CDH12: variants seen among roughly 807,000 people sequenced by gnomAD.
The protein encoded by CDH12 is cadherin-12.
A neutral mutation model predicts 74.1 loss-of-function variants in CDH12; 41 were observed. That is an observed-to-expected ratio of 0.55 (90% CI 0.43 to 0.72). CDH12 has a LOEUF of 0.72. Ranked by LOEUF, CDH12 falls within the 30% of genes least tolerant of loss-of-function variation. CDH12 has a pLI of 0.00. For synonymous variants in CDH12, 399 were observed against 355.0 expected (o/e 1.12, Z -1.39); for missense variants, 945 against 977.2 (o/e 0.97, Z 0.44).
At chr5:22,673,120 T>C (rs1029615005) in intron 1 of CDH12, among the ~76,000 whole-genome samples, 8 of 152,304 alleles carry the variant, frequency 5.3e-5, no homozygotes, top group Non-Finnish European at 7.4e-5. Flanking sequence ...CTCCAGTCTT[T>C]CTGAAGTCAT....
chr5:21,842,005 TAA>T (rs34987918), intron 8 of CDH12, among the ~76,000 whole-genome samples, 154 bp downstream of exon 8: 66 of 142,066 alleles, frequency 4.6e-4, no homozygotes, highest in Middle Eastern at 3.7e-3. Context: ...ACTTAAAGTA[TAA>T]AAAAAAAAAA....
intron 5 of CDH12, among the ~76,000 whole-genome samples, chr5:22,013,778 T>C (rs1287805022): frequency 6.6e-6 from 1 of 152,124 alleles, no homozygotes; most frequent in Non-Finnish European, 1.5e-5. Context: ...GACATATGGG[T>C]TTTTTTCTTA....
At chr5:22,268,705 C>A (rs1275241759) in intron 3 of CDH12, among the ~76,000 whole-genome samples, 1 of 152,016 alleles carries the variant, frequency 6.6e-6, no homozygotes, top group Non-Finnish European at 1.5e-5. Flanking sequence ...GTATTATCTG[C>A]AGAAAATACA....
intron 4 of CDH12, among the ~76,000 whole-genome samples, chr5:22,200,379 T>G (rs1406441909): frequency 6.6e-6 from 1 of 152,152 alleles, no homozygotes; most frequent in Non-Finnish European, 1.5e-5. Context: ...ATAAGAGTGG[T>G]GCTTTTGAAG....
intron 3 of CDH12, among the ~76,000 whole-genome samples, chr5:22,341,330 T>G (rs1739839661): frequency 6.6e-6 from 1 of 151,934 alleles, no homozygotes; most frequent in African/African-American, 2.4e-5. Flanking sequence ...ACAAAAAGAA[T>G]AAAGAAAGAA....
intron 3 of CDH12, among the ~76,000 whole-genome samples, chr5:22,342,898 G>T (rs1277114961): frequency 1.3e-5 from 2 of 151,628 alleles, no homozygotes; most frequent in Non-Finnish European, 2.9e-5. Context: ...GCCCAGGCTG[G>T]ATTGCAGTGG....
At chr5:21,888,962 T>C (rs1223608989) in intron 6 of CDH12, among the ~76,000 whole-genome samples, 2 of 151,998 alleles carry the variant, frequency 1.3e-5, no homozygotes, top group Non-Finnish European at 2.9e-5. Context: ...ATTAGAAAAT[T>C]AGAAATAAGC....
chr5:21,842,429 T>A, intron 7 of CDH12, 101 bp from the exon 8 acceptor site: 3 of 749,850 alleles, frequency 4.0e-6, no homozygotes, highest in Non-Finnish European at 6.3e-6. Flanking sequence ...CTAGAATCAC[T>A]AACAGAGACA....
At chr5:22,312,699 C>T (rs573047908) in intron 3 of CDH12, among the ~76,000 whole-genome samples, 2 of 152,162 alleles carry the variant, frequency 1.3e-5, no homozygotes, top group Non-Finnish European at 2.9e-5. Context: ...CTACCAAACA[C>T]TAATCCATCT....
chr5:22,053,768 C>T (rs1374832335), intron 5 of CDH12, among the ~76,000 whole-genome samples: 1 of 152,054 alleles, frequency 6.6e-6, no homozygotes, highest in East Asian at 1.9e-4. Context: ...TTAGAGCTCG[C>T]CTCTTACATT....
intron 3 of CDH12, among the ~76,000 whole-genome samples, chr5:22,398,570 A>G (rs1742567670): frequency 6.6e-6 from 1 of 152,102 alleles, no homozygotes; most frequent in African/African-American, 2.4e-5. Context: ...CAAGCAATAG[A>G]CATTGTCAAA....
At chr5:22,090,526 C>T (rs1008778915) in intron 4 of CDH12, among the ~76,000 whole-genome samples, 2 of 150,330 alleles carry the variant, frequency 1.3e-5, no homozygotes, top group Non-Finnish European at 3.0e-5. Flanking sequence ...CATACCCTGA[C>T]TTATTCTATG....
chr5:22,080,501 C>CT (rs1561089672), intron 4 of CDH12, among the ~76,000 whole-genome samples: 3 of 151,936 alleles, frequency 2.0e-5, no homozygotes, highest in Non-Finnish European at 4.4e-5. Context: ...CGTAAGTTGT[C>CT]TTTTTTTGCA....
chr5:22,818,683 G>C (rs114917579), intron 1 of CDH12, among the ~76,000 whole-genome samples: 2,252 of 152,198 alleles, frequency 0.015, 64 homozygotes, highest in African/African-American at 0.052. Context: ...TAGTTGGAGA[G>C]AGATTAAGCA....
chr5:22,716,296 C>T (rs1416731752), intron 1 of CDH12, among the ~76,000 whole-genome samples: 1 of 152,070 alleles, frequency 6.6e-6, no homozygotes, highest in Non-Finnish European at 1.5e-5. Context: ...AGAATACAAT[C>T]GTATACTGCA....
At chr5:22,345,418 CTAAA>C (rs1167861587) in intron 3 of CDH12, among the ~76,000 whole-genome samples, 1 of 152,108 alleles carries the variant, frequency 6.6e-6, no homozygotes, top group East Asian at 1.9e-4. Context: ...TTGTTCTAAA[CTAAA>C]TAATTTTTCT....
chr5:22,225,006 T>C (rs1354920849), intron 3 of CDH12, among the ~76,000 whole-genome samples: 2 of 152,040 alleles, frequency 1.3e-5, no homozygotes. Context: ...TGACTCACAG[T>C]AAAATTGATT....
chr5:22,377,671 G>A (rs1332515101), intron 3 of CDH12, among the ~76,000 whole-genome samples: 1 of 152,136 alleles, frequency 6.6e-6, no homozygotes, highest in Non-Finnish European at 1.5e-5. Context: ...CACTTTCTAT[G>A]CCAGATTTCC....
At chr5:21,804,358 T>C (rs1477196447) in intron 9 of CDH12, among the ~76,000 whole-genome samples, 1 of 152,122 alleles carries the variant, frequency 6.6e-6, no homozygotes, top group Non-Finnish European at 1.5e-5. Context: ...TTGAATACTG[T>C]GTTTTGTTGA....
Sources: allele counts gnomAD v4.1 joint callset (sites outside exome capture counted in the v4.1 genomes callset), GRCh38; gene constraint gnomAD v4.1.1; transcripts MANE v1.5; gene names NCBI Gene and HGNC (gene_info 2026-07-23, HGNC 2026-07-21).